The following CPHXL variants were observed in gnomAD, a reference collection of about 807,000 sequenced individuals.
The protein encoded by CPHXL is cytoplasmic polyadenylated homeobox-like protein.
intron 1 of CPHXL, 93 bp from the exon 2 acceptor site, chr16:75,718,551 T>C (rs1195449045): frequency 7.6e-6 from 3 of 396,232 alleles, no homozygotes; most frequent in Non-Finnish European, 1.3e-5. Flanking sequence ...CACCATAGAT[T>C]CCCTCCCCTT....
rs35659823 is a variant in CPHXL, at chr16:75,725,753, C to CTTTTTTTT, written c.25+657_25+664dup. Among the ~76,000 whole-genome samples, 231 of 43,318 alleles carry CTTTTTTTT rather than the reference C, an allele frequency of 5.3e-3. 18 individuals are homozygous for CTTTTTTTT. The highest frequency in any genetic ancestry group is 6.9e-3 in the African/African-American group (70 of 10,130). The allele number at this position is 43,318 out of a possible 152,430, so 28.4% of individuals were successfully genotyped here. ...AGGAGTGAGCCACCGTGCCCGGCGTCTTTTTTTTTTTTTTTTTTTTTTTTT... is the reference window on the plus strand; with the variant it reads ...AGGAGTGAGCCACCGTGCCCGGCGTCTTTTTTTTTTTTTTTTTTTTTTTTTTTTTTTTT... On this transcript the variant is annotated intron_variant, in intron 1 of 2. Coordinates refer to ENST00000640559, the MANE Select transcript of CPHXL (RefSeq NM_001355613.1).
At chr16:75,721,604 A>G (rs964839555) in intron 1 of CPHXL, among the ~76,000 whole-genome samples, 7 of 152,344 alleles carry the variant, frequency 4.6e-5, no homozygotes, top group East Asian at 3.9e-4. Context: ...TTCATAAAGC[A>G]AGTCCTTAGA....
chr16:75,717,262 T>C (rs1181473645), intron 2 of CPHXL, among the ~76,000 whole-genome samples: 3 of 152,222 alleles, frequency 2.0e-5, no homozygotes, highest in African/African-American at 7.2e-5. Context: ...GTCTAGTTTT[T>C]ACAATACATA....
intron 1 of CPHXL, among the ~76,000 whole-genome samples, chr16:75,724,372 C>G (rs1322486786): frequency 1.3e-5 from 2 of 152,032 alleles, no homozygotes; most frequent in Admixed American, 1.3e-4. Flanking sequence ...TGCAATCTAT[C>G]CATCTGACAA....
chr16:75,725,783 T>A (rs941061493), intron 1 of CPHXL, among the ~76,000 whole-genome samples: 13 of 93,254 alleles, frequency 1.4e-4, no homozygotes, highest in African/African-American at 3.3e-4. Flanking sequence ...TTTTTTTTTT[T>A]AGGCAACCTT....
In CPHXL at chr16:75,718,341, C is replaced by G. The variant is rs1959423657; in HGVS notation, c.143G>C (p.Gly48Ala). ...TGTGTAATCGGGATAACAGTTCTCTCCAAATATTTCCTTAAGTTCCTGCAG... is the reference window on the plus strand; with the variant it reads ...TGTGTAATCGGGATAACAGTTCTCTGCAAATATTTCCTTAAGTTCCTGCAG... ...ELLQELKEIF[G>A]ENCYPDYTTR... The change falls in exon 2 of 3, where the codon GGA becomes GCA. Residue 48 changes from glycine to alanine, a missense_variant. Coordinates refer to ENST00000640559, the MANE Select transcript of CPHXL (RefSeq NM_001355613.1). The G allele has an allele frequency of 2.5e-6, 1 of 398,814 alleles. No individual in the cohort carries two copies. Among genetic ancestry groups the G allele is most frequent in the Non-Finnish European group, 4.4e-6 (1 of 226,210 alleles). 24.7% of individuals were successfully genotyped at this position (398,814 alleles called of 1,614,324 possible). A position where few individuals can be genotyped will look rare whatever the true frequency, so the allele number is the denominator to read the frequency against.
At chr16:75,717,828 T>C (rs1328287984) in intron 2 of CPHXL, among the ~76,000 whole-genome samples, 1 of 152,244 alleles carries the variant, frequency 6.6e-6, no homozygotes, top group Non-Finnish European at 1.5e-5. Flanking sequence ...TAACTGTATA[T>C]ACATATGTAT....
rs546898384 is a variant in CPHXL, at chr16:75,722,477, C to T, written c.25+3941G>A. 7.2e-5 allele frequency among the ~76,000 whole-genome samples: 11 copies of T among 152,256 alleles called. No homozygotes were observed. The South Asian group carries it at 2.3e-3, about 32-fold the overall frequency. On this transcript the variant is annotated intron_variant, in intron 1 of 2. Coordinates refer to ENST00000640559, the MANE Select transcript of CPHXL (RefSeq NM_001355613.1). ...CTACCATCAGAGAATACTATAAACA[C>T]CTCTACACAAGTAAACTAGAAAATC...
intron 1 of CPHXL, among the ~76,000 whole-genome samples, chr16:75,726,058 A>C (rs1023670397): frequency 6.9e-6 from 1 of 145,474 alleles, no homozygotes; most frequent in Non-Finnish European, 1.5e-5. Flanking sequence ...AAAGAGGTAA[A>C]ACTTGTGGAA....
At chr16:75,724,143 A>G (rs958743763) in intron 1 of CPHXL, among the ~76,000 whole-genome samples, 15 of 152,372 alleles carry the variant, frequency 9.8e-5, no homozygotes, top group African/African-American at 3.6e-4. Flanking sequence ...TTAAACACTT[A>G]AATGTTAGAC....
At chr16:75,726,102 T>G (rs953697312) in intron 1 of CPHXL, among the ~76,000 whole-genome samples, 1 of 152,034 alleles carries the variant, frequency 6.6e-6, no homozygotes, top group African/African-American at 2.4e-5. Flanking sequence ...CAAGAACTGG[T>G]ACTTTGTAAT....
rs1959363914 is a variant in CPHXL at position 75,714,674 on chromosome 16, T to TG, written c.767dup (p.Ser257IlefsTer12). The TG allele has an allele frequency of 2.5e-6, 1 of 398,466 alleles. No individual in the cohort carries two copies. Among genetic ancestry groups the TG allele is most frequent in the Middle Eastern group, 6.2e-4 (1 of 1,610 alleles). The allele number at this position is 398,466 out of a possible 1,614,324, so 24.7% of individuals were successfully genotyped here. A position where few individuals can be genotyped will look rare whatever the true frequency, so the allele number is the denominator to read the frequency against. On this transcript the variant is annotated frameshift_variant, in exon 3 of 3. Coordinates refer to ENST00000640559, the MANE Select transcript of CPHXL (RefSeq NM_001355613.1). LOFTEE classifies it low-confidence loss of function (END_TRUNC). ...CTCCATGAAAATATGGCACAGAAGATGGGGGAGGATGAAGGCATTCTGCAG... is the reference window on the plus strand; with the variant it reads ...CTCCATGAAAATATGGCACAGAAGATGGGGGGAGGATGAAGGCATTCTGCAG...
chr16:75,723,092 G>T (rs193263879), intron 1 of CPHXL, among the ~76,000 whole-genome samples: 153 of 152,094 alleles, frequency 1.0e-3, no homozygotes, highest in African/African-American at 3.5e-3. Flanking sequence ...GTATTGATGG[G>T]ATGTATCTCA....
Position 75,715,044 on chromosome 16 carries a change from A to T in CPHXL, c.398T>A (p.Leu133Gln). 2.5e-6 allele frequency: 1 copy of T among 398,716 alleles called. No individual in the cohort carries two copies. Among genetic ancestry groups the T allele is most frequent in the Non-Finnish European group, 4.4e-6 (1 of 226,096 alleles). The allele number at this position is 398,716 out of a possible 1,614,324, so 24.7% of individuals were successfully genotyped here. A position where few individuals can be genotyped will look rare whatever the true frequency, so the allele number is the denominator to read the frequency against. Residue 133 changes from leucine to glutamine, a missense_variant, in exon 3 of 3, where the codon CTG becomes CAG. Coordinates refer to ENST00000640559, the MANE Select transcript of CPHXL (RefSeq NM_001355613.1). Reference sequence around the variant, plus strand: ...ATGGGAGCAACCAGCTCTTCTCATCAGAGCCCTCTGGGCACCAGAGAGGCT... The same window carrying T: ...ATGGGAGCAACCAGCTCTTCTCATCTGAGCCCTCTGGGCACCAGAGAGGCT... Reference protein sequence around the residue: ...KQSLSGAQRALMRRAGCSHLE... With the variant: ...KQSLSGAQRAQMRRAGCSHLE...
intron 1 of CPHXL, among the ~76,000 whole-genome samples, chr16:75,724,735 G>A (rs1488971921): frequency 6.6e-6 from 1 of 152,188 alleles, no homozygotes; most frequent in East Asian, 1.9e-4. Flanking sequence ...CAGGGATCTA[G>A]AACTAGAAAT....
chr16:75,725,377 C>G (rs1412517430), intron 1 of CPHXL, among the ~76,000 whole-genome samples: 1 of 152,128 alleles, frequency 6.6e-6, no homozygotes, highest in East Asian at 1.9e-4. Flanking sequence ...CAATCTCCGC[C>G]TACTGGGTTC....
intron 1 of CPHXL, among the ~76,000 whole-genome samples, chr16:75,721,496 G>C (rs1370695407): frequency 6.6e-6 from 1 of 152,138 alleles, no homozygotes; most frequent in Non-Finnish European, 1.5e-5. Flanking sequence ...AAGATCAAAA[G>C]AGACAAAGAA....
At chr16:75,725,676 T>C (rs190839211) in intron 1 of CPHXL, among the ~76,000 whole-genome samples, 1 of 148,076 alleles carries the variant, frequency 6.8e-6, no homozygotes, top group Non-Finnish European at 1.5e-5. Flanking sequence ...ATGGTCTCAA[T>C]ATCCTGACCT....
At chr16:75,719,681 G>T (rs1175782486) in intron 1 of CPHXL, among the ~76,000 whole-genome samples, 1 of 152,132 alleles carries the variant, frequency 6.6e-6, no homozygotes, top group Non-Finnish European at 1.5e-5. Flanking sequence ...CCGGGGGCAG[G>T]GAACAGCCAA....
Sources: gnomAD v4.1 joint callset for allele counts (sites outside exome capture counted in the v4.1 genomes callset) on GRCh38, gnomAD v4.1.1 for gene constraint, MANE v1.5 for transcripts, NCBI Gene and HGNC (gene_info 2026-07-23, HGNC 2026-07-21) for gene names.